The following WAC variants were observed in gnomAD, a reference collection of about 807,000 sequenced individuals.
WAC encodes the protein WW domain containing adaptor with coiled-coil.
Under a neutral mutation model 79.6 loss-of-function variants are expected in WAC, and 11 were observed. The observed-to-expected ratio is 0.14, with a 90% CI of 0.09 to 0.23. The LOEUF (loss-of-function observed/expected upper bound fraction) is 0.23. WAC is among the 10% of genes least tolerant of loss of function. WAC has a pLI of 1.00. For synonymous variants in WAC, 304 were observed against 276.9 expected (o/e 1.10, Z -0.97); for missense variants, 728 against 773.5 (o/e 0.94, Z 0.70).
chr10:28,561,301 C>T (rs928160566), intron 3 of WAC, among the ~76,000 whole-genome samples: 1 of 152,164 alleles, frequency 6.6e-6, no homozygotes, highest in Non-Finnish European at 1.5e-5. Flanking sequence ...CACTCAATTA[C>T]ACATAAAGGA....
intron 3 of WAC, among the ~76,000 whole-genome samples, chr10:28,538,618 A>T (rs1836819726): frequency 6.7e-6 from 1 of 150,356 alleles, no homozygotes; most frequent in Non-Finnish European, 1.5e-5. Flanking sequence ...AGCCAGGCAC[A>T]GCTGCTCATC....
At chr10:28,611,995 G>A (rs998864507) in intron 10 of WAC, 73 bp downstream of exon 10, 54 of 1,551,464 alleles carry the variant, frequency 3.5e-5, no homozygotes, top group Admixed American at 9.6e-5. Context: ...TTTAGAATCT[G>A]TTATAGAAAA....
intron 7 of WAC, among the ~76,000 whole-genome samples, chr10:28,606,939 G>A (rs766068878): frequency 3.3e-5 from 5 of 152,092 alleles, no homozygotes; most frequent in Non-Finnish European, 5.9e-5. Context: ...CCAACATTTG[G>A]TATGTCTGAC....
intron 3 of WAC, among the ~76,000 whole-genome samples, chr10:28,577,410 C>CT (rs1445480224): frequency 6.6e-6 from 1 of 152,030 alleles, no homozygotes; most frequent in Non-Finnish European, 1.5e-5. Context: ...TATTAGTACT[C>CT]TGATAATAAA....
intron 3 of WAC, among the ~76,000 whole-genome samples, chr10:28,559,834 CCT>C (rs1838206060): frequency 3.3e-5 from 5 of 152,128 alleles, no homozygotes; most frequent in Admixed American, 2.0e-4. Context: ...CATTTCATTG[CCT>C]CTCTGGGCCT....
chr10:28,571,885 A>G (rs1838992674), intron 3 of WAC, among the ~76,000 whole-genome samples: 1 of 152,210 alleles, frequency 6.6e-6, no homozygotes, highest in Admixed American at 6.5e-5. Flanking sequence ...TTACTTGCTC[A>G]CCTTTTAGAA....
At position 28,572,013 on chromosome 10, in the gene WAC, G is replaced by T. The variant is rs73609822; in HGVS notation, c.275-11386G>T. On this transcript the variant is annotated intron_variant, in intron 3 of 13. Coordinates refer to ENST00000354911, the MANE Select transcript of WAC (RefSeq NM_016628.5). ...AACTACTTAATTTAAAAATAAAACA[G>T]GGAGCAATATAGGATGTAATTACAC... Among the ~76,000 whole-genome samples the T allele has an allele frequency of 4.1e-3, 629 of 152,236 alleles. 6 individuals carry two copies. The highest frequency in any genetic ancestry group is 0.015 in the African/African-American group (606 of 41,542).
intron 10 of WAC, 27 bp downstream of exon 10, chr10:28,611,949 A>G: frequency 1.9e-6 from 3 of 1,598,740 alleles, no homozygotes; most frequent in Non-Finnish European, 2.6e-6. Flanking sequence ...GGACATTCGG[A>G]AAAGAAACTA....
chr10:28,533,851 G>T, intron 1 of WAC, 147 bp from the exon 2 acceptor site: 1 of 1,113,582 alleles, frequency 9.0e-7, no homozygotes, highest in Non-Finnish European at 1.3e-6. Context: ...GGAGGCTCCG[G>T]GTTTGTGCCG....
chr10:28,579,255 T>C (rs1483392572), intron 3 of WAC, among the ~76,000 whole-genome samples: 1 of 152,036 alleles, frequency 6.6e-6, no homozygotes, highest in Non-Finnish European at 1.5e-5. Flanking sequence ...ACTGTATAAA[T>C]GGCATTGCCT....
Position 28,534,153 on chromosome 10 carries a change from C to A in WAC, c.78+119C>A, listed in dbSNP as rs1257477522. The A allele has an allele frequency of 8.2e-6, 8 of 976,348 alleles. No individual in the cohort carries two copies. In the African/African-American group the frequency reaches 8.6e-5, roughly 10 times the overall value. 60.5% of individuals were successfully genotyped at this position (976,348 alleles called of 1,614,324 possible). ...GCCCTTCGGTGCAACACATCTGAAA[C>A]TAGCACCGCGGATCCCCTTAAAATT... On this transcript the variant is annotated intron_variant, in intron 2 of 13. Transcript: ENST00000354911.
At chr10:28,601,219 T>C (rs1471077633) in intron 7 of WAC, among the ~76,000 whole-genome samples, 1 of 152,088 alleles carries the variant, frequency 6.6e-6, no homozygotes, top group Non-Finnish European at 1.5e-5. Context: ...AGCTTAACCA[T>C]GTAAAACAAC....
At chr10:28,593,465 G>A (rs1430490977) in intron 6 of WAC, among the ~76,000 whole-genome samples, 2 of 151,990 alleles carry the variant, frequency 1.3e-5, no homozygotes, top group Non-Finnish European at 2.9e-5. Flanking sequence ...TGTTTGTAAA[G>A]CACTAAAATA....
intron 3 of WAC, among the ~76,000 whole-genome samples, chr10:28,578,982 A>G (rs1478089081): frequency 1.3e-5 from 2 of 152,108 alleles, no homozygotes; most frequent in African/African-American, 4.8e-5. Context: ...AAGCTTAAGT[A>G]TAGAGCCCCT....
At chr10:28,617,870 T>A in intron 13 of WAC, 86 bp downstream of exon 13, 2 of 1,395,372 alleles carry the variant, frequency 1.4e-6, no homozygotes, top group Non-Finnish European at 1.9e-6. Context: ...ACATTTTATT[T>A]ATGAAATGTA....
rs1200045992 is a variant in WAC at position 28,551,822 on chromosome 10, C to CTTT, written c.274+16080_274+16082dup. Among the ~76,000 whole-genome samples, 346 of 58,978 alleles carry CTTT rather than the reference C, an allele frequency of 5.9e-3. 4 individuals carry two copies. Among genetic ancestry groups the CTTT allele is most frequent in the African/African-American group, 0.021 (335 of 16,258 alleles). 38.7% of individuals were successfully genotyped at this position (58,978 alleles called of 152,430 possible). A position where few individuals can be genotyped will look rare whatever the true frequency, so the allele number is the denominator to read the frequency against. On this transcript the variant is annotated intron_variant, in intron 3 of 13. Transcript: ENST00000354911. ...TGTGTGTGTGTGTGTGTGTGTGTTTCTTTTTTTTTTTTTTTTTCCTGAGAT... is the reference window on the plus strand; with the variant it reads ...TGTGTGTGTGTGTGTGTGTGTGTTTCTTTTTTTTTTTTTTTTTTTTCCTGAGAT...
chr10:28,543,481 A>T (rs1047495301), intron 3 of WAC, among the ~76,000 whole-genome samples: 3 of 152,210 alleles, frequency 2.0e-5, no homozygotes, highest in African/African-American at 7.2e-5. Context: ...GCCACATTTC[A>T]TGTGTTTAAT....
intron 6 of WAC, 29 bp from the exon 7 acceptor site, chr10:28,595,704 C>A: frequency 6.3e-7 from 1 of 1,596,450 alleles, no homozygotes; most frequent in Non-Finnish European, 8.6e-7. Flanking sequence ...GTCATTCCAA[C>A]ATCTGTTTTT....
chr10:28,539,133 T>A (rs903722083), intron 3 of WAC, among the ~76,000 whole-genome samples: 2 of 152,184 alleles, frequency 1.3e-5, no homozygotes, highest in East Asian at 3.9e-4. Context: ...GTGGAACTTG[T>A]GCGTTTGTTT....
Sources: allele counts gnomAD v4.1 joint callset (sites outside exome capture counted in the v4.1 genomes callset), GRCh38; gene constraint gnomAD v4.1.1; transcripts MANE v1.5; gene names NCBI Gene and HGNC (gene_info 2026-07-23, HGNC 2026-07-21).